Variants in GRM7 observed in about 807,000 individuals in gnomAD.
GRM7 encodes glutamate metabotropic receptor 7, also known as metabotropic glutamate receptor 7.
A neutral mutation model predicts 84.5 loss-of-function variants in GRM7; 35 were observed. The ratio of observed to expected loss-of-function variants is 0.41; its 90% confidence interval spans 0.32 to 0.55. The LOEUF is 0.55. GRM7 is among the 20% of genes least tolerant of loss of function. The pLI is 0.19. For missense variants in GRM7, 1,003 were observed against 1,194.6 expected (o/e 0.84, Z 2.36); for synonymous variants, 487 against 455.1 (o/e 1.07, Z -0.89).
chr3:7,577,678 T>C (rs1033168709), intron 7 of GRM7, among the ~76,000 whole-genome samples: 2 of 152,210 alleles, frequency 1.3e-5, no homozygotes, highest in Admixed American at 6.5e-5. Context: ...ATAGTCTAAA[T>C]GTCATCTGCA....
At chr3:6,941,793 G>A (rs1005905253) in intron 1 of GRM7, among the ~76,000 whole-genome samples, 1 of 152,026 alleles carries the variant, frequency 6.6e-6, no homozygotes, top group Non-Finnish European at 1.5e-5. Context: ...TGAGGCATTT[G>A]TTGGTGTGGT....
intron 1 of GRM7, among the ~76,000 whole-genome samples, chr3:7,104,023 C>CA (rs1699213898): frequency 6.6e-6 from 1 of 151,474 alleles, no homozygotes; most frequent in Admixed American, 6.6e-5. Context: ...GCCCTAAACC[C>CA]CAATGTGAAG....
At chr3:7,388,592 A>G (rs1694875088) in intron 4 of GRM7, among the ~76,000 whole-genome samples, 1 of 151,788 alleles carries the variant, frequency 6.6e-6, no homozygotes, top group South Asian at 2.1e-4. Context: ...TGGTTCATAG[A>G]TTTTTTAGTA....
chr3:7,468,462 G>T (rs758703638), intron 7 of GRM7, among the ~76,000 whole-genome samples: 1 of 152,112 alleles, frequency 6.6e-6, no homozygotes, highest in East Asian at 1.9e-4. Context: ...CTGAGTTATG[G>T]TTAGCATTAC....
chr3:7,190,697 T>A (rs2125105156), intron 2 of GRM7, among the ~76,000 whole-genome samples: 1 of 152,200 alleles, frequency 6.6e-6, no homozygotes, highest in African/African-American at 2.4e-5. Flanking sequence ...ACAAGCAGTT[T>A]AATATATATA....
chr3:7,365,627 G>A (rs1175203575), intron 4 of GRM7, among the ~76,000 whole-genome samples: 2 of 139,680 alleles, frequency 1.4e-5, no homozygotes, highest in African/African-American at 5.4e-5. Context: ...GATTTAATAT[G>A]CATGTGTGTG....
At chr3:7,275,641 T>A (rs1699024174) in intron 2 of GRM7, among the ~76,000 whole-genome samples, 3 of 152,124 alleles carry the variant, frequency 2.0e-5, no homozygotes, top group Admixed American at 1.3e-4. Context: ...GTGAGGTAGG[T>A]TCTAATAAAA....
intron 8 of GRM7, among the ~76,000 whole-genome samples, chr3:7,659,551 C>T (rs1312052254): frequency 6.6e-6 from 1 of 152,116 alleles, no homozygotes; most frequent in Non-Finnish European, 1.5e-5. Flanking sequence ...AAAATACATC[C>T]TGTGTGAAAA....
intron 8 of GRM7, among the ~76,000 whole-genome samples, chr3:7,670,908 A>G (rs1699892889): frequency 6.6e-6 from 1 of 152,228 alleles, no homozygotes; most frequent in African/African-American, 2.4e-5. Context: ...GAGCCCATGG[A>G]TTCTGGCAGG....
At chr3:7,451,116 G>T (rs1298663413) in intron 5 of GRM7, among the ~76,000 whole-genome samples, 1 of 152,186 alleles carries the variant, frequency 6.6e-6, no homozygotes, top group Non-Finnish European at 1.5e-5. Flanking sequence ...GGAAAATATT[G>T]CTGTGAAAGT....
intron 2 of GRM7, among the ~76,000 whole-genome samples, chr3:7,229,755 ATATATTTTTTT>A (rs1697120104): frequency 7.0e-5 from 2 of 28,504 alleles, no homozygotes; most frequent in African/African-American, 1.4e-4. Context: ...ATATATATAT[ATATATTTTTTT>A]TTTTTTTTGG....
intron 1 of GRM7, among the ~76,000 whole-genome samples, chr3:7,060,283 T>C (rs1697389701): frequency 6.6e-6 from 1 of 151,840 alleles, no homozygotes; most frequent in African/African-American, 2.4e-5. Flanking sequence ...TGGTTTGGTA[T>C]AAAGCTATTG....
intron 1 of GRM7, among the ~76,000 whole-genome samples, chr3:6,875,171 A>G (rs1283451279): frequency 1.3e-5 from 2 of 152,126 alleles, no homozygotes; most frequent in East Asian, 1.9e-4. Flanking sequence ...ATTCTAACTA[A>G]AATTGTAGCT....
chr3:7,719,062 G>A (rs751025772), intron 9 of GRM7, among the ~76,000 whole-genome samples: 1 of 152,120 alleles, frequency 6.6e-6, no homozygotes, highest in Non-Finnish European at 1.5e-5. Flanking sequence ...TTGTGGTAAT[G>A]GTGTGAATTT....
At chr3:7,474,385 G>A (rs1262034383) in intron 7 of GRM7, among the ~76,000 whole-genome samples, 1 of 151,080 alleles carries the variant, frequency 6.6e-6, no homozygotes, top group Non-Finnish European at 1.5e-5. Flanking sequence ...GCTTTGATCA[G>A]TCCACCTTTC....
chr3:7,445,284 C>A (rs116803688), intron 5 of GRM7, among the ~76,000 whole-genome samples: 1 of 152,006 alleles, frequency 6.6e-6, no homozygotes, highest in East Asian at 1.9e-4. Context: ...GTCCCTTTTC[C>A]CTGTGTGGAT....
intron 1 of GRM7, among the ~76,000 whole-genome samples, chr3:7,113,844 A>G (rs1189052792): frequency 6.6e-6 from 1 of 152,128 alleles, no homozygotes; most frequent in Non-Finnish European, 1.5e-5. Context: ...AGCAATTGTC[A>G]TTTGAGTATT....
At chr3:7,476,941 G>A (rs1048446721) in intron 7 of GRM7, among the ~76,000 whole-genome samples, 1 of 152,176 alleles carries the variant, frequency 6.6e-6, no homozygotes, top group East Asian at 1.9e-4. Context: ...ACTCACAAAA[G>A]CACTGCCTCT....
At chr3:7,001,949 C>T (rs1418055929) in intron 1 of GRM7, among the ~76,000 whole-genome samples, 2 of 152,132 alleles carry the variant, frequency 1.3e-5, no homozygotes, top group African/African-American at 4.8e-5. Context: ...GTCCCCTAAG[C>T]CAATTACTTA....
Sources: allele counts gnomAD v4.1 joint callset (sites outside exome capture counted in the v4.1 genomes callset), GRCh38; gene constraint gnomAD v4.1.1; transcripts MANE v1.5; gene names NCBI Gene and HGNC (gene_info 2026-07-23, HGNC 2026-07-21).